MECOM: variants seen among roughly 807,000 people sequenced by gnomAD.
The protein encoded by MECOM is MDS1 and EVI1 complex locus, also known as histone-lysine N-methyltransferase MECOM.
In MECOM, 13 loss-of-function variants were observed where a neutral mutation model predicts 116.3. The observed-to-expected ratio is 0.11, with a 90% CI of 0.07 to 0.18. MECOM has a LOEUF of 0.18. Ranked by LOEUF, MECOM falls within the 10% of genes least tolerant of loss-of-function variation. The pLI, the probability that MECOM is intolerant of heterozygous loss-of-function variation, is 1.00. For missense variants in MECOM, 1,299 were observed against 1,509.0 expected (o/e 0.86, Z 2.31); for synonymous variants, 528 against 535.2 (o/e 0.99, Z 0.19).
intron 2 of MECOM, among the ~76,000 whole-genome samples, chr3:169,320,602 G>A (rs1054756040): frequency 6.6e-6 from 1 of 151,362 alleles, no homozygotes; most frequent in Non-Finnish European, 1.5e-5. Context: ...AAGAAGGAAG[G>A]GAATGGGATG....
At chr3:169,175,565 C>T (rs1156529284) in intron 2 of MECOM, among the ~76,000 whole-genome samples, 3 of 152,126 alleles carry the variant, frequency 2.0e-5, no homozygotes, top group Non-Finnish European at 2.9e-5. Context: ...ATCTGAAACA[C>T]TCTGGTCCAA....
At chr3:169,310,876 C>A (rs1718627020) in intron 2 of MECOM, among the ~76,000 whole-genome samples, 1 of 152,178 alleles carries the variant, frequency 6.6e-6, no homozygotes, top group Non-Finnish European at 1.5e-5. Flanking sequence ...GGTTCACAGC[C>A]TATGCTTCTT....
chr3:169,424,150 A>T (rs971130914), intron 1 of MECOM, among the ~76,000 whole-genome samples: 1 of 151,960 alleles, frequency 6.6e-6, no homozygotes, highest in African/African-American at 2.4e-5. Context: ...ATAAAGAAAA[A>T]CTCAGTGTTC....
intron 2 of MECOM, among the ~76,000 whole-genome samples, chr3:169,284,350 C>T (rs913857852): frequency 1.3e-5 from 2 of 152,136 alleles, no homozygotes; most frequent in Admixed American, 6.6e-5. Flanking sequence ...ATTAGGATCC[C>T]TGATCACTCT....
intron 1 of MECOM, among the ~76,000 whole-genome samples, chr3:169,402,242 A>C (rs994009318): frequency 8.5e-5 from 13 of 152,202 alleles, no homozygotes; most frequent in Non-Finnish European, 1.6e-4. Flanking sequence ...AGGAACTGGG[A>C]CACATATGGG....
chr3:169,663,213 C>T, intron 1 of MECOM, 123 bp downstream of exon 1: 1 of 1,128,092 alleles, frequency 8.9e-7, no homozygotes, highest in Non-Finnish European at 1.3e-6. Flanking sequence ...TGCGCTCCGC[C>T]TGCCCTCCAC....
intron 2 of MECOM, chr3:169,146,790 A>G: frequency 2.6e-6 from 3 of 1,137,626 alleles, no homozygotes; most frequent in Non-Finnish European, 3.3e-6. Flanking sequence ...TAAACAAAAT[A>G]AAATAATCAG....
At chr3:169,324,534 G>A (rs1281311812) in intron 2 of MECOM, among the ~76,000 whole-genome samples, 1 of 152,162 alleles carries the variant, frequency 6.6e-6, no homozygotes, top group Non-Finnish European at 1.5e-5. Context: ...CTGGGTAGAG[G>A]GAAGATTTAA....
intron 1 of MECOM, among the ~76,000 whole-genome samples, chr3:169,479,682 C>T (rs947067583): frequency 2.1e-5 from 3 of 145,982 alleles, no homozygotes; most frequent in African/African-American, 7.6e-5. Context: ...AAAAAATTTG[C>T]CTGATTCTCA....
chr3:169,646,672 A>G (rs981359759), intron 1 of MECOM, among the ~76,000 whole-genome samples: 1 of 152,146 alleles, frequency 6.6e-6, no homozygotes, highest in Non-Finnish European at 1.5e-5. Flanking sequence ...AGAAAGTTGT[A>G]GCTAGCTTTC....
chr3:169,622,051 C>T (rs1008661495), intron 1 of MECOM, among the ~76,000 whole-genome samples: 2 of 152,204 alleles, frequency 1.3e-5, no homozygotes, highest in African/African-American at 4.8e-5. Flanking sequence ...TTTCTTCATA[C>T]TAAATATTTT....
intron 1 of MECOM, among the ~76,000 whole-genome samples, chr3:169,606,854 A>C (rs1475246759): frequency 2.0e-5 from 3 of 152,240 alleles, no homozygotes; most frequent in Non-Finnish European, 2.9e-5. Flanking sequence ...CAGATAATTT[A>C]AACATAATTC....
intron 2 of MECOM, among the ~76,000 whole-genome samples, chr3:169,171,098 TTC>T (rs542353852): frequency 3.9e-4 from 60 of 152,330 alleles, no homozygotes; most frequent in Non-Finnish European, 7.2e-4. Flanking sequence ...AATATTTCTC[TTC>T]TCTAAGTATA....
intron 1 of MECOM, among the ~76,000 whole-genome samples, chr3:169,655,902 ACT>A (rs1775488727): frequency 1.3e-5 from 2 of 152,098 alleles, no homozygotes; most frequent in Admixed American, 1.3e-4. Context: ...ATACCAATTA[ACT>A]CTCACAGCAG....
At chr3:169,217,074 G>C (rs1172855263) in intron 2 of MECOM, among the ~76,000 whole-genome samples, 8 of 152,132 alleles carry the variant, frequency 5.3e-5, no homozygotes, top group Non-Finnish European at 1.2e-4. Context: ...TGCACAAGTA[G>C]GTAACAGGAG....
chr3:169,222,438 A>G (rs2149499670), intron 2 of MECOM, among the ~76,000 whole-genome samples: 1 of 152,336 alleles, frequency 6.6e-6, no homozygotes, highest in Admixed American at 6.5e-5. Context: ...TGATTTTTTA[A>G]TATCCACATG....
At chr3:169,422,102 T>C (rs1918969) in intron 1 of MECOM, among the ~76,000 whole-genome samples, 68,851 of 151,924 alleles carry the variant, frequency 0.45, 16,135 homozygotes, top group East Asian at 0.77. Context: ...AAGATAGATG[T>C]TATCCTAGTT....
chr3:169,221,517 G>C (rs1420272123), intron 2 of MECOM, among the ~76,000 whole-genome samples: 1 of 151,216 alleles, frequency 6.6e-6, no homozygotes, highest in African/African-American at 2.4e-5. Context: ...TGGACCCATG[G>C]GCTTTTTGCT....
intron 1 of MECOM, among the ~76,000 whole-genome samples, chr3:169,556,035 A>G (rs1761989101): frequency 1.3e-5 from 2 of 152,224 alleles, no homozygotes; most frequent in African/African-American, 4.8e-5. Context: ...TTTGTAGTTG[A>G]GAAAATGTGG....
Sources: allele counts gnomAD v4.1 joint callset (sites outside exome capture counted in the v4.1 genomes callset), GRCh38; gene constraint gnomAD v4.1.1; transcripts MANE v1.5; gene names NCBI Gene and HGNC (gene_info 2026-07-23, HGNC 2026-07-21).